The following RIF1 variants were observed in gnomAD, a reference collection of about 807,000 sequenced individuals.
RIF1 encodes the protein telomere-associated protein RIF1.
Under a neutral mutation model 247.1 loss-of-function variants are expected in RIF1, and 45 were observed. The ratio of observed to expected loss-of-function variants is 0.18; its 90% CI spans 0.14 to 0.23. The LOEUF (loss-of-function observed/expected upper bound fraction) is 0.23, where lower values mean the gene tolerates loss of function less well. Among genes scored for constraint, RIF1 ranks in the 10% least tolerant of loss-of-function variants. The probability of loss-of-function intolerance (pLI) is 1.00; values close to 1 mark genes in which losing one functional copy is unlikely to be tolerated. For synonymous variants in RIF1, 1,087 were observed against 978.8 expected, an observed-to-expected ratio of 1.11 and a Z score of -2.06; for missense variants, 2,967 against 2,862.5, an observed-to-expected ratio of 1.04 and a Z score of -0.83.
intron 23 of RIF1, 37 bp downstream of exon 23, chr2:151,456,657 T>C: frequency 8.3e-7 from 1 of 1,206,170 alleles, no homozygotes; most frequent in Non-Finnish European, 1.2e-6. Flanking sequence ...CATACTTTCA[T>C]GATGAGAAAA....
intron 3 of RIF1, among the ~76,000 whole-genome samples, chr2:151,414,049 C>T (rs1030950640): frequency 1.3e-5 from 2 of 152,112 alleles, no homozygotes; most frequent in Non-Finnish European, 1.5e-5. Context: ...CGGTGGCTCA[C>T]GCCTGTAATC....
intron 4 of RIF1, 56 bp downstream of exon 4, chr2:151,414,975 T>G: frequency 1.8e-6 from 2 of 1,109,112 alleles, no homozygotes; most frequent in Non-Finnish European, 2.7e-6. Flanking sequence ...AAGTTTTAAG[T>G]ATAAGTAGTT....
At position 151,410,536 on chromosome 2, in the gene RIF1, C is replaced by A; in HGVS notation, c.104+9C>A. 6.2e-7 allele frequency: 1 copy of A among 1,608,404 alleles called. No homozygotes were observed. The highest frequency in any genetic ancestry group is 8.5e-7 in the Non-Finnish European group (1 of 1,175,364). On this transcript the variant is annotated intron_variant, in intron 2 of 35. Coordinates refer to ENST00000444746, the MANE Select transcript of RIF1 (RefSeq NM_018151.5). ...TACCTGACTCTGACCAGGTGAGGTC[C>A]GCCACGGGGCGTAGCGGAGAGTGGG... is the stretch of plus-strand genomic sequence containing the variant.
rs1403023726 is a variant in RIF1 at position 151,464,145 on chromosome 2, C to T, written c.4625C>T (p.Ser1542Phe). Reference protein sequence around the residue: ...GRTRYQTRRASQGLLSSIENS... With the variant: ...GRTRYQTRRAFQGLLSSIENS... The stretch of plus-strand genomic sequence containing the variant: ...ACACGGTATCAAACTAGAAGAGCAT[C>T]TCAGGGTTTGCTTTCCAGCATTGAA... The change falls in exon 30 of 36, where the codon TCT becomes TTT. Residue 1542 changes from serine (S) to phenylalanine (F), a missense_variant. Transcript: ENST00000444746. 1.2e-6 allele frequency: 2 copies of T among 1,610,284 alleles called. No homozygotes were observed. Among genetic ancestry groups the T allele is most frequent in the Non-Finnish European group, 1.7e-6 (2 of 1,179,112 alleles).
In RIF1 at chr2:151,474,933, G is replaced by A. The variant is rs375859525; in HGVS notation, c.7281G>A (p.Gln2427=). Residue 2427 remains glutamine, a synonymous_variant, in exon 36 of 36, where the codon CAG becomes CAA. Coordinates refer to ENST00000444746, the MANE Select transcript of RIF1 (RefSeq NM_018151.5). ...LLAQISALAL[Q]LDSEDLHNYS... ...CACAGATTAGTGCTCTTGCTCTTCA[G>A]CTGGATTCAGAAGATCTTCATAATT... 1 of 1,610,990 alleles carries A rather than the reference G, an allele frequency of 6.2e-7. No homozygotes were observed. The highest frequency in any genetic ancestry group is 1.3e-5 in the African/African-American group (1 of 74,754).
At chr2:151,425,042 C>T (rs571485005) in intron 8 of RIF1, among the ~76,000 whole-genome samples, 25 of 151,856 alleles carry the variant, frequency 1.6e-4, no homozygotes, top group African/African-American at 5.3e-4. Context: ...ACTGGGGTTC[C>T]GCTTCCATAA....
intron 33 of RIF1, 34 bp downstream of exon 33, chr2:151,468,790 C>A: frequency 7.2e-7 from 1 of 1,396,472 alleles, no homozygotes; most frequent in Non-Finnish European, 1.0e-6. Flanking sequence ...GCTTATATTC[C>A]AAGATGCCAC....
chr2:151,450,045 T>A (rs896462806), intron 20 of RIF1, among the ~76,000 whole-genome samples: 1 of 152,150 alleles, frequency 6.6e-6, no homozygotes, highest in African/African-American at 2.4e-5. Flanking sequence ...TTCTCCATGT[T>A]GGCCAGGCTG....
In RIF1 at chr2:151,476,709, A is replaced by G. The variant is rs995429010; in HGVS notation, c.*1638A>G. On this transcript the variant is annotated 3_prime_UTR_variant, in exon 36 of 36. Transcript: ENST00000444746. ...TTAAGGATTGTGGCTTGAAGTAACTAAAGAAAAATACTAATTTCCTTAAAA... is the reference window on the plus strand; with the variant it reads ...TTAAGGATTGTGGCTTGAAGTAACTGAAGAAAAATACTAATTTCCTTAAAA... The G allele has an allele frequency of 1.3e-5, 2 of 152,226 alleles. No individual in the cohort carries two copies. The highest frequency in any genetic ancestry group is 2.4e-5 in the African/African-American group (1 of 41,462). 9.4% of individuals were successfully genotyped at this position (152,226 alleles called of 1,614,324 possible). A position where few individuals can be genotyped will look rare whatever the true frequency, so the allele number is the denominator to read the frequency against.
intron 9 of RIF1, chr2:151,494,115 A>G: frequency 2.0e-6 from 3 of 1,489,512 alleles, no homozygotes; most frequent in Non-Finnish European, 2.8e-6. Flanking sequence ...AAACTGCAAG[A>G]GTTATTTTGC....
chr2:151,410,051 G>T lies in RIF1; in HGVS notation c.-11+18G>T. 4 of 702,924 alleles carry T rather than the reference G, an allele frequency of 5.7e-6. No individual in the cohort carries two copies. Among genetic ancestry groups the T allele is most frequent in the Non-Finnish European group, 1.0e-5 (4 of 384,912 alleles). 43.5% of individuals were successfully genotyped at this position (702,924 alleles called of 1,614,324 possible). On this transcript the variant is annotated intron_variant, in intron 1 of 35. Coordinates refer to ENST00000444746, the MANE Select transcript of RIF1 (RefSeq NM_018151.5). ...CTTCCTAGGTGGGATAAATATCGGGGTGACAGTGGTAGGCCGCGGGGAACC... is the reference window on the plus strand; with the variant it reads ...CTTCCTAGGTGGGATAAATATCGGGTTGACAGTGGTAGGCCGCGGGGAACC...
the RIF1 span, chr2:151,518,293 G>T: frequency 6.6e-7 from 1 of 1,509,234 alleles, no homozygotes; most frequent in Non-Finnish European, 9.2e-7. Flanking sequence ...TGCGCCAGAG[G>T]AAAAATCGGT....
At chr2:151,432,480 G>A (rs1186468627) in intron 9 of RIF1, among the ~76,000 whole-genome samples, 1 of 152,134 alleles carries the variant, frequency 6.6e-6, no homozygotes, top group Non-Finnish European at 1.5e-5. Context: ...GAATCTAAAT[G>A]AATCTATTTA....
At chr2:151,434,167 C>CAAA (rs1230432491) in intron 10 of RIF1, among the ~76,000 whole-genome samples, 56 of 110,490 alleles carry the variant, frequency 5.1e-4, no homozygotes, top group Non-Finnish European at 8.2e-4. Context: ...GACTCCATCT[C>CAAA]AAAAAAAAAA....
intron 33 of RIF1, among the ~76,000 whole-genome samples, chr2:151,469,355 T>C (rs1321819658): frequency 6.6e-6 from 1 of 152,200 alleles, no homozygotes; most frequent in Admixed American, 6.5e-5. Context: ...TGAAGTATTC[T>C]TAAACTTCTC....
the RIF1 span, chr2:151,530,910 A>G: frequency 4.8e-6 from 4 of 841,906 alleles, no homozygotes; most frequent in Non-Finnish European, 7.7e-6. Context: ...GTTACACAGG[A>G]ATAGATAACT....
chr2:151,428,900 A>G lies in RIF1; in HGVS notation c.903A>G (p.Ile301Met). The G allele has an allele frequency of 1.3e-6, 2 of 1,503,602 alleles. No individual in the cohort carries two copies. The highest frequency in any genetic ancestry group is 1.8e-6 in the Non-Finnish European group (2 of 1,082,384). The allele number at this position is 1,503,602 out of a possible 1,614,324, so 93.1% of individuals were successfully genotyped here. ...CTTTTATTGCTTGGAAGAGTTTAAT[A>G]GATAATTTTGCTTTAAATCCAGGTA... ...KIAFIAWKSLIDNFALNPDIL... is the reference protein window; with the variant it reads ...KIAFIAWKSLMDNFALNPDIL... Residue 301 changes from isoleucine (I) to methionine (M), a missense_variant, in exon 9 of 36, where the codon ATA becomes ATG. By Grantham distance (10) the Ile-to-Met change is conservative (BLOSUM62 1). Around this residue, in one of 7 missense-constraint regions of RIF1, gnomAD observed 71 missense variants for 132.9 expected, o/e 0.53. Coordinates refer to ENST00000444746, the MANE Select transcript of RIF1 (RefSeq NM_018151.5).
rs2048928210 is a variant in RIF1 at position 151,476,344 on chromosome 2, T to TTGTAAAATTTGCCAACTAATATTA, written c.*1274_*1297dup. On this transcript the variant is annotated 3_prime_UTR_variant, in exon 36 of 36. Coordinates refer to ENST00000444746, the MANE Select transcript of RIF1 (RefSeq NM_018151.5). ...TTAAAGAGGTATGTAATTAAAACCT[T>TTGTAAAATTTGCCAACTAATATTA]TGTAAAATTTGCCAACTAATATTAG... 6.6e-6 allele frequency: 1 copy of TTGTAAAATTTGCCAACTAATATTA among 152,196 alleles called. No individual in the cohort carries two copies. Among genetic ancestry groups the TTGTAAAATTTGCCAACTAATATTA allele is most frequent in the Admixed American group, 6.5e-5 (1 of 15,274 alleles). The allele number at this position is 152,196 out of a possible 1,614,324, so 9.4% of individuals were successfully genotyped here.
chr2:151,441,633 G>T (rs1361459241), intron 15 of RIF1, among the ~76,000 whole-genome samples: 1 of 152,168 alleles, frequency 6.6e-6, no homozygotes, highest in Admixed American at 6.5e-5. Context: ...AATTTAGAAG[G>T]TCTAGGAAAA....
Sources: allele counts gnomAD v4.1 joint callset (sites outside exome capture counted in the v4.1 genomes callset), GRCh38; gene constraint gnomAD v4.1.1; regional missense constraint gnomAD v4.1.1; transcripts MANE v1.5; gene names NCBI Gene and HGNC (gene_info 2026-07-23, HGNC 2026-07-21).